The following CORO2B variants were observed in gnomAD, a reference collection of about 807,000 sequenced individuals.
The protein encoded by CORO2B is coronin-2B.
Under a neutral mutation model 58.8 loss-of-function variants are expected in CORO2B, and 26 were observed. The observed-to-expected ratio is 0.44, with a 90% CI of 0.32 to 0.61. The LOEUF (loss-of-function observed/expected upper bound fraction) is 0.61, where lower values mean the gene tolerates loss of function less well. CORO2B is among the 20% of genes least tolerant of loss of function. The pLI is 0.04. For missense variants in CORO2B, 460 were observed against 645.1 expected, an observed-to-expected ratio of 0.71 and a Z score of 3.11; for synonymous variants, 242 against 253.8, an observed-to-expected ratio of 0.95 and a Z score of 0.44.
the CORO2B span, among the ~76,000 whole-genome samples, chr15:68,520,887 A>T: frequency 6.6e-6 from 1 of 152,114 alleles, no homozygotes; most frequent in Non-Finnish European, 1.5e-5. Context: ...CTCCACTGAA[A>T]AAAATACAAA....
chr15:68,712,954 C>A (rs879671637), intron 5 of CORO2B, among the ~76,000 whole-genome samples: 1 of 152,166 alleles, frequency 6.6e-6, no homozygotes, highest in African/African-American at 2.4e-5. Context: ...TTCTCTTGGG[C>A]TACACTTTTT....
At chr15:68,597,638 AAAT>A (rs1566980957) in intron 1 of CORO2B, among the ~76,000 whole-genome samples, 4 of 148,254 alleles carry the variant, frequency 2.7e-5, no homozygotes, top group African/African-American at 1.0e-4. Flanking sequence ...AAAAAAAAAA[AAAT>A]AAATAAATAA....
At chr15:68,663,592 AT>A (rs745703153) in intron 2 of CORO2B, among the ~76,000 whole-genome samples, 3 of 152,234 alleles carry the variant, frequency 2.0e-5, no homozygotes, top group Non-Finnish European at 4.4e-5. Context: ...CTTAATCAAA[AT>A]TAAAAACTTT....
chr15:68,578,461 A>G (rs889955793), upstream of CORO2B, among the ~76,000 whole-genome samples: 2 of 152,132 alleles, frequency 1.3e-5, no homozygotes, highest in African/African-American at 4.8e-5. This position sits in a 1 kb window ranked among gnomAD's most constrained non-coding sequence, Gnocchi z 4.2. Context: ...GATTCGAAAG[A>G]GTGCTTACAC....
intron 2 of CORO2B, among the ~76,000 whole-genome samples, chr15:68,677,157 G>A (rs74020271): frequency 0.081 from 12,278 of 152,140 alleles, 1,193 homozygotes; most frequent in African/African-American, 0.23. Flanking sequence ...TCTCCTCCAA[G>A]CCATCTGTCA....
chr15:68,602,407 TCACACACACACACA>T (rs370587519), intron 1 of CORO2B, among the ~76,000 whole-genome samples: 1,625 of 139,050 alleles, frequency 0.012, 34 homozygotes, highest in African/African-American at 0.038. Context: ...TAGGGGCTGA[TCACACACACACACA>T]CACACACACA....
At chr15:68,619,665 A>ATG (rs375892839) in intron 1 of CORO2B, among the ~76,000 whole-genome samples, 17 of 151,598 alleles carry the variant, frequency 1.1e-4, no homozygotes, top group African/African-American at 2.9e-4. Flanking sequence ...CTGGGTGTAA[A>ATG]TGTGTGTGTG....
chr15:68,563,268 C>T, the CORO2B span, among the ~76,000 whole-genome samples: 2 of 151,700 alleles, frequency 1.3e-5, no homozygotes, highest in Non-Finnish European at 2.9e-5. Context: ...CAGGAGGATC[C>T]CTTGAGCCCA....
intron 1 of CORO2B, among the ~76,000 whole-genome samples, chr15:68,629,726 T>C (rs555524854): frequency 6.6e-6 from 1 of 152,272 alleles, no homozygotes; most frequent in South Asian, 2.1e-4. Flanking sequence ...CAGGAGGACT[T>C]GGACGAGGCT....
At chr15:68,548,174 A>AAAAT in the CORO2B span, among the ~76,000 whole-genome samples, 7 of 146,290 alleles carry the variant, frequency 4.8e-5, no homozygotes, top group African/African-American at 1.8e-4. Flanking sequence ...CCATCTTAAA[A>AAAAT]ATATATATAT....
At chr15:68,659,861 G>A (rs1420018545) in intron 2 of CORO2B, among the ~76,000 whole-genome samples, 1 of 152,212 alleles carries the variant, frequency 6.6e-6, no homozygotes, top group African/African-American at 2.4e-5. Flanking sequence ...TCGAACCCGG[G>A]AGGTGGAGGT....
At chr15:68,628,376 G>A (rs1016957903) in intron 1 of CORO2B, among the ~76,000 whole-genome samples, 8 of 152,190 alleles carry the variant, frequency 5.3e-5, no homozygotes, top group African/African-American at 1.9e-4. Context: ...CCTGTGATAT[G>A]GGGAAGATAA....
chr15:68,538,445 G>A, the CORO2B span, among the ~76,000 whole-genome samples: 5 of 152,192 alleles, frequency 3.3e-5, no homozygotes, highest in Admixed American at 6.5e-5. Context: ...CCTCAGCTGC[G>A]GAGGGGCTGG....
the CORO2B span, among the ~76,000 whole-genome samples, chr15:68,533,275 T>G: frequency 6.6e-6 from 1 of 152,234 alleles, no homozygotes; most frequent in Admixed American, 6.5e-5. Context: ...TTTGCTAGTT[T>G]ACTATGATGG....
At chr15:68,563,166 C>T in the CORO2B span, among the ~76,000 whole-genome samples, 2 of 150,944 alleles carry the variant, frequency 1.3e-5, no homozygotes, top group Non-Finnish European at 2.9e-5. Flanking sequence ...AAACCCAAAG[C>T]AAGCAGAGGA....
At chr15:68,576,286 C>T (rs694686), upstream of CORO2B, among the ~76,000 whole-genome samples, 44,587 of 151,734 alleles carry the variant, frequency 0.29, 7,299 homozygotes, top group African/African-American at 0.45. Context: ...CTTTTCTAGA[C>T]CTCCCTTCTG....
At chr15:68,602,746 G>T (rs1339158967) in intron 1 of CORO2B, among the ~76,000 whole-genome samples, 1 of 152,170 alleles carries the variant, frequency 6.6e-6, no homozygotes, top group Middle Eastern at 3.2e-3. Flanking sequence ...ATCAGTGAAG[G>T]AGGTTCTGTG....
the CORO2B span, among the ~76,000 whole-genome samples, chr15:68,544,982 A>G: frequency 2.0e-5 from 3 of 152,080 alleles, no homozygotes; most frequent in African/African-American, 7.2e-5. Context: ...TCACCGTGTT[A>G]GCCAGGATGG....
At chr15:68,642,439 G>A (rs1479017917) in intron 1 of CORO2B, among the ~76,000 whole-genome samples, 3 of 152,230 alleles carry the variant, frequency 2.0e-5, no homozygotes, top group Middle Eastern at 3.4e-3. Flanking sequence ...GCCCAGCCAC[G>A]GGCTGTGCTG....
Sources: gnomAD v4.1 joint callset for allele counts (sites outside exome capture counted in the v4.1 genomes callset) on GRCh38, gnomAD v4.1.1 for gene constraint, Gnocchi (gnomAD v3.1) non-coding constraint, MANE v1.5 for transcripts, NCBI Gene and HGNC (gene_info 2026-07-23, HGNC 2026-07-21) for gene names.